Variants in ZMAT4 observed in about 807,000 individuals in gnomAD.
The protein encoded by ZMAT4 is zinc finger matrin-type 4.
In ZMAT4, 17 loss-of-function variants were observed where a neutral mutation model predicts 28.7. The ratio of observed to expected loss-of-function variants is 0.59; its 90% CI spans 0.41 to 0.89. The LOEUF (loss-of-function observed/expected upper bound fraction) is 0.89, where lower values mean the gene tolerates loss of function less well. Ranked by LOEUF, ZMAT4 falls within the 40% of genes least tolerant of loss-of-function variation. The pLI is 0.00. For missense variants in ZMAT4, 240 were observed against 283.8 expected (o/e 0.85, Z 1.11); for synonymous variants, 117 against 109.2 (o/e 1.07, Z -0.44).
Position 40,808,832 on chromosome 8 carries a change from T to C in ZMAT4, c.102+16743A>G, listed in dbSNP as rs1815198609. Among the ~76,000 whole-genome samples the C allele has an allele frequency of 2.0e-5, 3 of 149,120 alleles. No homozygotes were observed. In the Admixed American group the frequency reaches 2.0e-4, roughly 10 times the overall value. On this transcript the variant is annotated intron_variant, in intron 2 of 6. Coordinates refer to ENST00000297737, the MANE Select transcript of ZMAT4 (RefSeq NM_024645.3). ...AAACTCGCCTCTGGTAAGATGCTTATCCTGGATGCCAACTATTTAAAAAAA... is the reference window on the plus strand; with the variant it reads ...AAACTCGCCTCTGGTAAGATGCTTACCCTGGATGCCAACTATTTAAAAAAA...
In ZMAT4 at chr8:40,767,632, G is replaced by A. The variant is rs773100987; in HGVS notation, c.192+9C>T. The A allele has an allele frequency of 6.2e-6, 10 of 1,610,010 alleles. No homozygotes were observed. The highest frequency in any genetic ancestry group is 3.3e-4 in the Middle Eastern group (2 of 6,044). On this transcript the variant is annotated intron_variant, in intron 3 of 6. Transcript: ENST00000297737. ...CATCTGAGGATATCACGTGGTACCA[G>A]ATACTCACATTTTCTGACCGGAGCC...
At chr8:40,663,279 T>C (rs1808277050) in intron 5 of ZMAT4, among the ~76,000 whole-genome samples, 1 of 152,190 alleles carries the variant, frequency 6.6e-6, no homozygotes, top group South Asian at 2.1e-4. Context: ...TAACTTCAAG[T>C]TGGAAGTCGT....
chr8:40,633,613 T>C (rs891909136), intron 5 of ZMAT4, among the ~76,000 whole-genome samples: 1 of 152,136 alleles, frequency 6.6e-6, no homozygotes, highest in Non-Finnish European at 1.5e-5. Context: ...ATCAAGGTAA[T>C]GTGAGGCTAG....
rs183587990 is a variant in ZMAT4, at chr8:40,546,140, G to A, written c.675-13902C>T. ...AACGCAAAGCAAACCACAAGGCACA[G>A]TAAAAAGAAAAGCAAATTTAAGAAA... On this transcript the variant is annotated intron_variant, in intron 6 of 6. Transcript: ENST00000297737. Among the ~76,000 whole-genome samples the A allele has an allele frequency of 1.4e-3, 209 of 151,942 alleles. 1 individual carries two copies. Among genetic ancestry groups the A allele is most frequent in the Middle Eastern group, 0.014 (4 of 294 alleles).
At chr8:40,835,861 A>G (rs1816461773) in intron 1 of ZMAT4, among the ~76,000 whole-genome samples, 1 of 152,196 alleles carries the variant, frequency 6.6e-6, no homozygotes, top group South Asian at 2.1e-4. Flanking sequence ...TATTAACTTG[A>G]CTGGGCTTCT....
At chr8:40,572,760 T>C (rs1804137686) in intron 6 of ZMAT4, among the ~76,000 whole-genome samples, 1 of 152,210 alleles carries the variant, frequency 6.6e-6, no homozygotes, top group South Asian at 2.1e-4. Flanking sequence ...AGATAGTTAA[T>C]ATTTCTCCTG....
intron 3 of ZMAT4, among the ~76,000 whole-genome samples, chr8:40,728,652 GGAAA>G (rs1563440375): frequency 6.6e-6 from 1 of 152,188 alleles, no homozygotes; most frequent in Non-Finnish European, 1.5e-5. Flanking sequence ...TGGAGGATGG[GGAAA>G]GAGAGAGTCA....
intron 1 of ZMAT4, among the ~76,000 whole-genome samples, chr8:40,869,190 G>A (rs1266408261): frequency 6.6e-6 from 1 of 152,120 alleles, no homozygotes; most frequent in Admixed American, 6.6e-5. Context: ...CATGCTTCTA[G>A]AAGATCCAGA....
intron 3 of ZMAT4, among the ~76,000 whole-genome samples, chr8:40,705,158 T>C (rs893332368): frequency 3.9e-5 from 6 of 152,196 alleles, no homozygotes; most frequent in African/African-American, 1.4e-4. Context: ...CCTTTGGAAT[T>C]TGGATGGCTT....
intron 2 of ZMAT4, among the ~76,000 whole-genome samples, chr8:40,807,138 C>CAAA (rs34726845): frequency 0.53 from 46,893 of 88,822 alleles, 10,030 homozygotes; most frequent in Middle Eastern, 0.64. Flanking sequence ...GGGGTGAGGA[C>CAAA]AAAAAAAAAA....
At chr8:40,591,225 G>A (rs1804883732) in intron 5 of ZMAT4, among the ~76,000 whole-genome samples, 1 of 152,208 alleles carries the variant, frequency 6.6e-6, no homozygotes, top group Non-Finnish European at 1.5e-5. Flanking sequence ...TATGAAGGTG[G>A]TGTAGGTAAA....
At chr8:40,759,171 A>G (rs1812820681) in intron 3 of ZMAT4, among the ~76,000 whole-genome samples, 1 of 151,376 alleles carries the variant, frequency 6.6e-6, no homozygotes, top group Admixed American at 6.6e-5. Context: ...AATCCCAGAT[A>G]CTCAGGAGGC....
At chr8:40,896,604 C>G (rs997531514) in intron 1 of ZMAT4, among the ~76,000 whole-genome samples, 2 of 152,134 alleles carry the variant, frequency 1.3e-5, no homozygotes, top group African/African-American at 4.8e-5. Flanking sequence ...TTAGCAGAAG[C>G]CAAAGGCGGA....
chr8:40,611,907 T>G (rs993886302), intron 5 of ZMAT4, among the ~76,000 whole-genome samples: 1 of 152,224 alleles, frequency 6.6e-6, no homozygotes, highest in African/African-American at 2.4e-5. Flanking sequence ...CTGAAAGATT[T>G]AGGGTCTGGA....
chr8:40,716,119 G>A (rs1397598180), intron 3 of ZMAT4, among the ~76,000 whole-genome samples: 1 of 152,198 alleles, frequency 6.6e-6, no homozygotes, highest in Admixed American at 6.5e-5. Flanking sequence ...AACTTTAATG[G>A]AGGGCTTTAT....
rs181529355 is a variant in ZMAT4, at chr8:40,664,724, G to A, written c.577+9980C>T. On this transcript the variant is annotated intron_variant, in intron 5 of 6. Transcript: ENST00000297737. ...TGAGAGATGAGAAGTGTCATTTGTC[G>A]TTGTAAGCCACTAAGTTTGGAGGTA... is the stretch of plus-strand genomic sequence containing the variant. 2.1e-3 allele frequency among the ~76,000 whole-genome samples: 318 copies of A among 152,322 alleles called. 2 individuals are homozygous for A. Among genetic ancestry groups the A allele is most frequent in the Admixed American group, 5.6e-3 (85 of 15,298 alleles).
intron 3 of ZMAT4, among the ~76,000 whole-genome samples, chr8:40,754,973 T>C (rs1461396034): frequency 6.6e-6 from 1 of 152,048 alleles, no homozygotes; most frequent in Non-Finnish European, 1.5e-5. Flanking sequence ...GCTATTGCAT[T>C]CCATCCAGCC....
In ZMAT4 at chr8:40,600,708, C is replaced by T. The variant is rs191700901; in HGVS notation, c.578-19447G>A. Among the ~76,000 whole-genome samples the T allele has an allele frequency of 2.4e-4, 36 of 152,314 alleles. 1 individual carries two copies. The East Asian group carries it at 6.6e-3, about 28-fold the overall frequency. ...GGTCTAGAGTGCCAAACTCCAGTTCCTCCATGAGTATGCAGATCAGATTCC... is the reference window on the plus strand; with the variant it reads ...GGTCTAGAGTGCCAAACTCCAGTTCTTCCATGAGTATGCAGATCAGATTCC... On this transcript the variant is annotated intron_variant, in intron 5 of 6. Transcript: ENST00000297737.
intron 2 of ZMAT4, chr8:40,786,720 T>C (rs1199369392): frequency 7.8e-7 from 1 of 1,289,374 alleles, no homozygotes; most frequent in South Asian, 1.2e-5. Context: ...CCTTCTTCAG[T>C]GTGACATCTT....
Sources: gnomAD v4.1 joint callset for allele counts (sites outside exome capture counted in the v4.1 genomes callset) on GRCh38, gnomAD v4.1.1 for gene constraint, MANE v1.5 for transcripts, NCBI Gene and HGNC (gene_info 2026-07-23, HGNC 2026-07-21) for gene names.